The following C20orf96 variants were observed in gnomAD, a reference collection of about 807,000 sequenced individuals.
C20orf96 encodes chromosome 20 open reading frame 96.
In C20orf96, 57 loss-of-function variants were observed where a neutral mutation model predicts 52.6. The observed-to-expected ratio is 1.08, with a 90% CI of 0.88 to 1.35. C20orf96 has a LOEUF of 1.35. Ranked by LOEUF, C20orf96 falls within the 40% of genes most tolerant of loss-of-function variation. The probability of loss-of-function intolerance (pLI) is 0.00; values close to 1 mark genes in which losing one functional copy is unlikely to be tolerated. For missense variants in C20orf96, 478 were observed against 443.6 expected, an observed-to-expected ratio of 1.08 and a Z score of -0.70; for synonymous variants, 168 against 157.2, an observed-to-expected ratio of 1.07 and a Z score of -0.51.
chr20:282,739 G>A (rs1277943687), intron 4 of C20orf96, among the ~76,000 whole-genome samples: 1 of 152,126 alleles, frequency 6.6e-6, no homozygotes, highest in Non-Finnish European at 1.5e-5. Flanking sequence ...GGGCGTGGTG[G>A]TGGGCGCCTG....
At chr20:281,622 C>CTGCA (rs2012257420) in intron 4 of C20orf96, among the ~76,000 whole-genome samples, 2 of 152,350 alleles carry the variant, frequency 1.3e-5, no homozygotes, top group Middle Eastern at 3.4e-3. Flanking sequence ...TTCATGCGCA[C>CTGCA]TGCAGCACAT....
At chr20:289,244 T>C (rs2012473928) in intron 3 of C20orf96, among the ~76,000 whole-genome samples, 1 of 150,104 alleles carries the variant, frequency 6.7e-6, no homozygotes, top group African/African-American at 2.5e-5. Flanking sequence ...TCTTGTTCTC[T>C]CTCTTCCCTC....
chr20:276,689 T>C (rs1039827827), intron 9 of C20orf96, 104 bp downstream of exon 9: 10 of 1,523,114 alleles, frequency 6.6e-6, no homozygotes, highest in Admixed American at 2.1e-5. Context: ...GTCAGAGACC[T>C]CCTGAGCGCC....
chr20:277,331 C>T lies in C20orf96; in HGVS notation c.618G>A (p.Glu206=). The change falls in exon 7 of 11, where the codon GAG becomes GAA. Residue 206 remains glutamate (E), a synonymous_variant. Coordinates refer to ENST00000360321, the MANE Select transcript of C20orf96 (RefSeq NM_153269.3). ...TGTAAGTGCTCAGGAAGTTCACTTCCTCCTGGGTCTTCTCAATCTTGGCAT... is the reference window on the plus strand; with the variant it reads ...TGTAAGTGCTCAGGAAGTTCACTTCTTCCTGGGTCTTCTCAATCTTGGCAT... ...QLNAKIEKTQ[E]EVNFLSTYMD... 4.3e-6 allele frequency: 7 copies of T among 1,614,140 alleles called. No individual in the cohort carries two copies. The highest frequency in any genetic ancestry group is 5.9e-6 in the Non-Finnish European group (7 of 1,180,022).
rs540101411 is a variant in C20orf96, at chr20:284,227, G to A, written c.188-146C>T. On this transcript the variant is annotated intron_variant, in intron 3 of 10. Transcript: ENST00000360321. The stretch of plus-strand genomic sequence containing the variant: ...CTTATAATGTGACACTAGACCGAGG[G>A]TGAAATTCACACCCTTCACTAAGCT... The A allele has an allele frequency of 2.7e-4, 167 of 629,628 alleles. No individual in the cohort carries two copies. The African/African-American group carries it at 2.9e-3, about 11-fold the overall frequency. 39.0% of individuals were successfully genotyped at this position (629,628 alleles called of 1,614,324 possible).
chr20:279,325 C>A lies in C20orf96; in HGVS notation c.312G>T (p.Ser104=), dbSNP rs1196671255. 4 of 1,600,784 alleles carry A rather than the reference C, an allele frequency of 2.5e-6. No individual in the cohort carries two copies. Among genetic ancestry groups the A allele is most frequent in the Admixed American group, 1.7e-5 (1 of 59,502 alleles). ...GCAGAGCGGCCCTCCCGCTCCTGAG[C>A]GAGGTCTGCGGGCGGAGGGAAGAGC... ...MHAKIWLMKT[S]LRSGRAALRE... is the part of the protein sequence containing the mutation. The change falls in exon 5 of 11, where the codon TCG becomes TCT. Residue 104 remains serine, a synonymous_variant. Coordinates refer to ENST00000360321, the MANE Select transcript of C20orf96 (RefSeq NM_153269.3).
chr20:288,174 CTTTTTTTT>C (rs1237648367), intron 3 of C20orf96, among the ~76,000 whole-genome samples: 2 of 66,038 alleles, frequency 3.0e-5, no homozygotes, highest in African/African-American at 1.2e-4. Flanking sequence ...TTTTCTTTTT[CTTTTTTTT>C]TTTTTTTTTT....
At position 290,316 on chromosome 20, in the gene C20orf96, A is replaced by T. The variant is rs769026813; in HGVS notation, c.21-9T>A. The stretch of plus-strand genomic sequence containing the variant: ...TCCCAGAGTGCTTGGGTCTGGAAAG[A>T]GTTGGGAAGGGAAAGAACTTCCATT... On this transcript the variant is annotated splice_polypyrimidine_tract_variant and intron_variant, in intron 1 of 10. Coordinates refer to ENST00000360321, the MANE Select transcript of C20orf96 (RefSeq NM_153269.3). 3.4e-5 allele frequency: 55 copies of T among 1,612,494 alleles called. No individual in the cohort carries two copies. The highest frequency in any genetic ancestry group is 4.3e-5 in the Non-Finnish European group (51 of 1,179,324).
At chr20:281,550 T>C (rs1456792545) in intron 4 of C20orf96, among the ~76,000 whole-genome samples, 1 of 152,354 alleles carries the variant, frequency 6.6e-6, no homozygotes, top group East Asian at 1.9e-4. Flanking sequence ...TTATTTCTCA[T>C]ATAACAGTAA....
At chr20:290,197 A>C in intron 2 of C20orf96, 62 bp downstream of exon 2, 1 of 1,291,870 alleles carries the variant, frequency 7.7e-7, no homozygotes, top group Non-Finnish European at 1.1e-6. Flanking sequence ...GTGAGAGTGG[A>C]GAGCAGGTGG....
chr20:278,092 T>C (rs1291212674), intron 6 of C20orf96, among the ~76,000 whole-genome samples: 3 of 152,194 alleles, frequency 2.0e-5, no homozygotes, highest in Non-Finnish European at 4.4e-5. Context: ...GTAGTTGCAA[T>C]GACTGAGTGT....
chr20:286,675 A>G (rs899268568), intron 3 of C20orf96, among the ~76,000 whole-genome samples: 1 of 152,216 alleles, frequency 6.6e-6, no homozygotes, highest in Non-Finnish European at 1.5e-5. Flanking sequence ...TCCCAGTGGC[A>G]ACATCCTGCA....
intron 1 of C20orf96, 113 bp from the exon 2 acceptor site, chr20:290,420 A>C: frequency 6.4e-7 from 1 of 1,550,850 alleles, no homozygotes; most frequent in Non-Finnish European, 8.7e-7. Flanking sequence ...TTTACCGGGG[A>C]CAATAGCCCC....
Position 275,948 on chromosome 20 carries a change from G to C in C20orf96, c.1031+20C>G, listed in dbSNP as rs1328350844. 2 of 1,607,326 alleles carry C rather than the reference G, an allele frequency of 1.2e-6. No homozygotes were observed. The highest frequency in any genetic ancestry group is 1.7e-6 in the Non-Finnish European group (2 of 1,173,874). On this transcript the variant is annotated intron_variant, in intron 10 of 10. Transcript: ENST00000360321. Reference sequence around the variant, plus strand: ...CAGAGTGTGACTGGTTTAAGAGGCAGTGGCAAAAAGATCACATACTTGGGT... The same window carrying C: ...CAGAGTGTGACTGGTTTAAGAGGCACTGGCAAAAAGATCACATACTTGGGT...
intron 3 of C20orf96, among the ~76,000 whole-genome samples, chr20:289,003 G>A (rs2012467237): frequency 6.6e-6 from 1 of 152,086 alleles, no homozygotes; most frequent in Admixed American, 6.5e-5. Context: ...CAAGGCCTCG[G>A]AACTCCCCTG....
chr20:276,524 A>G (rs1016398635), intron 9 of C20orf96: 2 of 985,310 alleles, frequency 2.0e-6, no homozygotes, highest in African/African-American at 3.5e-5. Context: ...ACGGTGGTTA[A>G]TGGCTGAATA....
intron 9 of C20orf96, chr20:276,444 A>C (rs1334387327): frequency 3.1e-5 from 31 of 985,336 alleles, no homozygotes; most frequent in Non-Finnish European, 3.7e-5. Context: ...TCAAGAAGGC[A>C]GTGATGGTGA....
chr20:277,477 G>C lies in C20orf96; in HGVS notation c.566-94C>G, dbSNP rs2012070335. 11 of 1,328,278 alleles carry C rather than the reference G, an allele frequency of 8.3e-6. No homozygotes were observed. In the South Asian group the frequency reaches 1.0e-4, roughly 13 times the overall value. 82.3% of individuals were successfully genotyped at this position (1,328,278 alleles called of 1,614,324 possible). ...GAGGCCCAGGAGGCAAGGTCTCCTT[G>C]GCCAGTAACTGGGGTCTGGGCTGAG... On this transcript the variant is annotated intron_variant, in intron 6 of 10. Coordinates refer to ENST00000360321, the MANE Select transcript of C20orf96 (RefSeq NM_153269.3).
At chr20:277,836 C>G (rs565089277) in intron 6 of C20orf96, among the ~76,000 whole-genome samples, 1 of 152,242 alleles carries the variant, frequency 6.6e-6, no homozygotes, top group Admixed American at 6.5e-5. Flanking sequence ...GACTGATCCA[C>G]CACCCCTCTG....
Sources: gnomAD v4.1 joint callset for allele counts (sites outside exome capture counted in the v4.1 genomes callset) on GRCh38, gnomAD v4.1.1 for gene constraint, MANE v1.5 for transcripts, NCBI Gene and HGNC (gene_info 2026-07-23, HGNC 2026-07-21) for gene names.